Variants in SCUBE1 observed in about 807,000 individuals in gnomAD.
SCUBE1 encodes the protein signal peptide, CUB domain and EGF like domain containing 1, also known as signal peptide, CUB and EGF-like domain-containing protein 1.
In SCUBE1, 59 loss-of-function variants were observed where a neutral mutation model predicts 124.4. The observed-to-expected ratio is 0.47, with a 90% confidence interval of 0.38 to 0.59. The LOEUF (loss-of-function observed/expected upper bound fraction) is 0.59, where lower values mean the gene tolerates loss of function less well. Among genes scored for constraint, SCUBE1 ranks in the 20% least tolerant of loss-of-function variants. The pLI, the probability that SCUBE1 is intolerant of heterozygous loss-of-function variation, is 0.00. For synonymous variants in SCUBE1, 545 were observed against 550.9 expected (o/e 0.99, Z 0.15); for missense variants, 1,150 against 1,371.2 (o/e 0.84, Z 2.55).
intron 4 of SCUBE1, among the ~76,000 whole-genome samples, chr22:43,268,858 G>A (rs1460268330): frequency 6.6e-6 from 1 of 152,208 alleles, no homozygotes; most frequent in Admixed American, 6.5e-5. Flanking sequence ...AGGCTGTGTG[G>A]AATATGCCCT....
rs774581592 is a variant in SCUBE1, at chr22:43,222,752, A to G, written c.1328-10T>C. 2 of 1,586,654 alleles carry G rather than the reference A, an allele frequency of 1.3e-6. No individual in the cohort carries two copies. ...TAGCTATTTTCCGAGTCTGCAGAGA[A>G]GCCGGTGGGTGAGGTGGGCCTGGTG... is the stretch of plus-strand genomic sequence containing the variant. On this transcript the variant is annotated splice_polypyrimidine_tract_variant and intron_variant, in intron 11 of 21. Transcript: ENST00000360835.
chr22:43,207,280 G>T (rs898869820), intron 21 of SCUBE1, among the ~76,000 whole-genome samples: 2 of 152,134 alleles, frequency 1.3e-5, no homozygotes, highest in South Asian at 4.1e-4. Flanking sequence ...TGTGCCTGAG[G>T]CCACATCACC....
intron 16 of SCUBE1, 145 bp from the exon 17 acceptor site, chr22:43,212,737 G>C: frequency 2.8e-6 from 2 of 722,216 alleles, no homozygotes; most frequent in Admixed American, 3.0e-5. Flanking sequence ...ACGGGGTGGG[G>C]AAAACGCAGC....
chr22:43,213,092 G>C (rs1470060765), intron 16 of SCUBE1: 1 of 165,206 alleles, frequency 6.1e-6, no homozygotes, highest in Non-Finnish European at 1.3e-5. Flanking sequence ...CTGGGACAAA[G>C]GGAGGGGACC....
chr22:43,198,898 C>CGGGGCAGTTTGTCTGTCTGCTGTCT lies in SCUBE1; in HGVS notation c.*5074_*5098dup. On this transcript the variant is annotated 3_prime_UTR_variant, in exon 22 of 22. Transcript: ENST00000360835. ...CTGGGGCAGTTTGCTGTCTGCTTTCCGGGGCAGTTTGTCTGTCTGCTGTCT... is the reference window on the plus strand; with the variant it reads ...CTGGGGCAGTTTGCTGTCTGCTTTCCGGGGCAGTTTGTCTGTCTGCTGTCTGGGGCAGTTTGTCTGTCTGCTGTCT... 1 of 372,964 alleles carries CGGGGCAGTTTGTCTGTCTGCTGTCT rather than the reference C, an allele frequency of 2.7e-6. No individual in the cohort carries two copies. Among genetic ancestry groups the CGGGGCAGTTTGTCTGTCTGCTGTCT allele is most frequent in the Non-Finnish European group, 5.3e-6 (1 of 189,018 alleles). The allele number at this position is 372,964 out of a possible 1,614,324, so 23.1% of individuals were successfully genotyped here. A position where few individuals can be genotyped will look rare whatever the true frequency, so the allele number is the denominator to read the frequency against.
intron 3 of SCUBE1, among the ~76,000 whole-genome samples, chr22:43,311,173 ATTAT>A (rs540920951): frequency 1.1e-3 from 170 of 152,254 alleles, no homozygotes; most frequent in African/African-American, 3.8e-3. Flanking sequence ...TTTGTATCAC[ATTAT>A]TTGTTTTATT....
chr22:43,212,746 G>C (rs1254522354), intron 16 of SCUBE1, 154 bp from the exon 17 acceptor site: 1 of 720,562 alleles, frequency 1.4e-6, no homozygotes, highest in Non-Finnish European at 2.2e-6. Context: ...GGAAAACGCA[G>C]CAGCCGGGGT....
intron 21 of SCUBE1, among the ~76,000 whole-genome samples, chr22:43,204,726 C>T (rs1364222031): frequency 6.6e-6 from 1 of 151,946 alleles, no homozygotes; most frequent in Non-Finnish European, 1.5e-5. Flanking sequence ...GGGCAGATCA[C>T]CTGAGGTCAA....
In SCUBE1 at chr22:43,327,987, G is replaced by A. The variant is rs140042318; in HGVS notation, c.221-7922C>T. Among the ~76,000 whole-genome samples the A allele has an allele frequency of 5.9e-3, 894 of 152,264 alleles. 5 individuals carry two copies. The highest frequency in any genetic ancestry group is 0.021 in the African/African-American group (865 of 41,536). On this transcript the variant is annotated intron_variant, in intron 2 of 21. Coordinates refer to ENST00000360835, the MANE Select transcript of SCUBE1 (RefSeq NM_173050.5). ...GTCGGTCTTCTTCTCCTCTGGGCTG[G>A]TTGCATCTCCAGGGATCTCTGCCTG...
Position 43,255,635 on chromosome 22 carries a change from G to A in SCUBE1, c.727+2584C>T, listed in dbSNP as rs1451722236. Reference sequence around the variant, plus strand: ...AGTGGTTAATGACAGCCCACTTCCCGCGGCCCAAGACAGTCAGCCTCTCGG... The same window carrying A: ...AGTGGTTAATGACAGCCCACTTCCCACGGCCCAAGACAGTCAGCCTCTCGG... On this transcript the variant is annotated intron_variant, in intron 6 of 21. Coordinates refer to ENST00000360835, the MANE Select transcript of SCUBE1 (RefSeq NM_173050.5). This position sits in a 1 kb window ranked among gnomAD's most constrained non-coding sequence, Gnocchi z 4.7. The A allele has an allele frequency of 2.5e-5, 36 of 1,431,434 alleles. No individual in the cohort carries two copies. Among genetic ancestry groups the A allele is most frequent in the South Asian group, 1.5e-4 (12 of 81,792 alleles). 88.7% of individuals were successfully genotyped at this position (1,431,434 alleles called of 1,614,324 possible).
rs986527103 is a variant in SCUBE1 at position 43,198,656 on chromosome 22, T to G, written c.*5341A>C. ...CATCTTTGGTGAAAAGGGACCTCAA[T>G]GTCAGGTGCAGTTTGCCAGGGTGAC... On this transcript the variant is annotated 3_prime_UTR_variant, in exon 22 of 22. Transcript: ENST00000360835. 2 of 456,584 alleles carry G rather than the reference T, an allele frequency of 4.4e-6. No homozygotes were observed. Among genetic ancestry groups the G allele is most frequent in the African/African-American group, 4.0e-5 (2 of 50,070 alleles). 28.3% of individuals were successfully genotyped at this position (456,584 alleles called of 1,614,324 possible).
chr22:43,293,998 C>A (rs747295141), intron 3 of SCUBE1, among the ~76,000 whole-genome samples: 2 of 152,192 alleles, frequency 1.3e-5, no homozygotes, highest in South Asian at 4.1e-4. Flanking sequence ...CCTGGCAGGG[C>A]GGCTGGGCCT....
At chr22:43,225,720 A>C (rs1242352131) in intron 10 of SCUBE1, among the ~76,000 whole-genome samples, 3 of 151,940 alleles carry the variant, frequency 2.0e-5, no homozygotes, top group Non-Finnish European at 4.4e-5. Context: ...CTTTCTGAGA[A>C]ACTAAATGTG....
chr22:43,317,855 G>A (rs973361011), intron 3 of SCUBE1, among the ~76,000 whole-genome samples: 4 of 152,146 alleles, frequency 2.6e-5, no homozygotes, highest in African/African-American at 9.7e-5. Flanking sequence ...GATTGTTAGG[G>A]TGGGCCTAAT....
chr22:43,331,699 G>T (rs1015732992), intron 2 of SCUBE1, among the ~76,000 whole-genome samples: 37 of 152,156 alleles, frequency 2.4e-4, no homozygotes, highest in African/African-American at 8.2e-4. Flanking sequence ...GGCAATTAAG[G>T]TTAAATGAGT....
intron 4 of SCUBE1, among the ~76,000 whole-genome samples, chr22:43,266,032 T>C (rs2146716056): frequency 6.6e-6 from 1 of 151,758 alleles, no homozygotes; most frequent in East Asian, 1.9e-4. Flanking sequence ...ACTCAGGAGG[T>C]GGAGGCTGCA....
Position 43,332,103 on chromosome 22 carries a change from A to G in SCUBE1, c.220+7001T>C, listed in dbSNP as rs150022555. On this transcript the variant is annotated intron_variant, in intron 2 of 21. Transcript: ENST00000360835. ...GGAGTTCGAGACCAACCTGGCCAAC[A>G]TGGTGAAACCCCATCTCTACTAAAA... 1.6e-3 allele frequency among the ~76,000 whole-genome samples: 251 copies of G among 152,270 alleles called. 4 individuals are homozygous for G. The East Asian group carries it at 0.045, about 27-fold the overall frequency.
In SCUBE1 at chr22:43,207,571, C is replaced by T. The variant is rs753019965; in HGVS notation, c.2777G>A (p.Arg926His). ...QLIEDIVRDG[R>H]LYASENHQEI... ...CTGGTGGTTCTCCGAGGCGTACAGG[C>T]GCCCATCGCGCACGATGTCCTCTAT... The change falls in exon 21 of 22, where the codon CGC becomes CAC. Residue 926 changes from arginine (R) to histidine (H), a missense_variant. Physicochemically the swap from Arg to His is conservative, Grantham distance 29. This residue lies in a region of SCUBE1 where 757 missense variants were observed against 840.9 expected (regional missense o/e 0.90). Coordinates refer to ENST00000360835, the MANE Select transcript of SCUBE1 (RefSeq NM_173050.5). The T allele has an allele frequency of 6.8e-6, 11 of 1,614,048 alleles. No individual in the cohort carries two copies. Among genetic ancestry groups the T allele is most frequent in the Admixed American group, 1.7e-5 (1 of 60,030 alleles).
Position 43,208,613 on chromosome 22 carries a change from G to T in SCUBE1, c.2582-389C>A, listed in dbSNP as rs560173832. Among the ~76,000 whole-genome samples the T allele has an allele frequency of 1.2e-4, 18 of 152,284 alleles. No homozygotes were observed. In the South Asian group the frequency reaches 3.5e-3, roughly 30 times the overall value. Reference sequence around the variant, plus strand: ...TGCACTTGGTGCAAGGCCAGGGTGGGAGTGGAAGCTGGGGGAGGACGTGGG... The same window carrying T: ...TGCACTTGGTGCAAGGCCAGGGTGGTAGTGGAAGCTGGGGGAGGACGTGGG... On this transcript the variant is annotated intron_variant, in intron 19 of 21. Coordinates refer to ENST00000360835, the MANE Select transcript of SCUBE1 (RefSeq NM_173050.5).
Sources: gnomAD v4.1 joint callset for allele counts (sites outside exome capture counted in the v4.1 genomes callset) on GRCh38, gnomAD v4.1.1 for gene constraint, gnomAD v4.1.1 regional missense constraint, Gnocchi (gnomAD v3.1) non-coding constraint, MANE v1.5 for transcripts, NCBI Gene and HGNC (gene_info 2026-07-23, HGNC 2026-07-21) for gene names.